Variants in SAMSN1 observed in about 807,000 individuals in gnomAD.
The protein encoded by SAMSN1 is SAM domain, SH3 domain and nuclear localization signals 1.
A neutral mutation model predicts 42.0 loss-of-function variants in SAMSN1; 31 were observed. That is an observed-to-expected ratio of 0.74 (90% CI 0.55 to 1.00). SAMSN1 has a LOEUF of 1.00. SAMSN1 is among the 50% of genes least tolerant of loss of function. SAMSN1 has a pLI of 0.00. For missense variants in SAMSN1, 464 were observed against 439.4 expected, an observed-to-expected ratio of 1.06 and a Z score of -0.50; for synonymous variants, 178 against 151.9, an observed-to-expected ratio of 1.17 and a Z score of -1.26.
At chr21:14,541,593 ATTC>A (rs1331083389) in intron 1 of SAMSN1, among the ~76,000 whole-genome samples, 1 of 152,140 alleles carries the variant, frequency 6.6e-6, no homozygotes, top group Non-Finnish European at 1.5e-5. Flanking sequence ...GTCCAAGAAA[ATTC>A]TTCTTCTTCC....
At position 14,539,601 on chromosome 21, in the gene SAMSN1, T is replaced by G. The variant is rs373023612; in HGVS notation, c.57+6604A>C. On this transcript the variant is annotated intron_variant, in intron 1 of 7. Coordinates refer to ENST00000400566, the MANE Select transcript of SAMSN1 (RefSeq NM_022136.5). Reference sequence around the variant, plus strand: ...CAACTTACAAGGGATGTGAAGGACCTCTTCAAGGAGAACTACAAACCATTG... The same window carrying G: ...CAACTTACAAGGGATGTGAAGGACCGCTTCAAGGAGAACTACAAACCATTG... 2.2e-3 allele frequency among the ~76,000 whole-genome samples: 328 copies of G among 151,870 alleles called. 3 individuals carry two copies. Among genetic ancestry groups the G allele is most frequent in the Middle Eastern group, 0.017 (5 of 294 alleles).
At chr21:14,606,289 C>A (rs1982570066) in intron 5 of SAMSN1, among the ~76,000 whole-genome samples, 1 of 152,168 alleles carries the variant, frequency 6.6e-6, no homozygotes, top group Admixed American at 6.5e-5. Flanking sequence ...GTGGAATAGT[C>A]TGTCACAGTT....
At chr21:14,638,951 C>A (rs1375562367) in intron 2 of SAMSN1, among the ~76,000 whole-genome samples, 1 of 152,268 alleles carries the variant, frequency 6.6e-6, no homozygotes, top group Non-Finnish European at 1.5e-5. Flanking sequence ...GAGTAATGAA[C>A]CTTCACTGAT....
intron 1 of SAMSN1, among the ~76,000 whole-genome samples, chr21:14,538,097 A>C (rs1032181671): frequency 1.3e-5 from 2 of 152,250 alleles, no homozygotes; most frequent in African/African-American, 4.8e-5. Context: ...AAATGAAGAC[A>C]ACCTTTTGAG....
At chr21:14,570,077 G>T (rs1981250784) in intron 2 of SAMSN1, among the ~76,000 whole-genome samples, 1 of 151,924 alleles carries the variant, frequency 6.6e-6, no homozygotes, top group Admixed American at 6.6e-5. Flanking sequence ...TTTTGTGGTG[G>T]TTGACTATCA....
intron 5 of SAMSN1, among the ~76,000 whole-genome samples, chr21:14,503,143 T>C (rs987344896): frequency 6.6e-6 from 1 of 152,192 alleles, no homozygotes; most frequent in African/African-American, 2.4e-5. Context: ...GGAGGGACTT[T>C]GCAGATCCAT....
At chr21:14,618,813 A>G (rs76113640) in intron 2 of SAMSN1, among the ~76,000 whole-genome samples, 2,030 of 152,256 alleles carry the variant, frequency 0.013, 50 homozygotes, top group African/African-American at 0.046. Context: ...GACATTTGCC[A>G]TGAATGCTGG....
At chr21:14,599,423 G>T (rs2087158576) in intron 6 of SAMSN1, among the ~76,000 whole-genome samples, 1 of 152,184 alleles carries the variant, frequency 6.6e-6, no homozygotes, top group Admixed American at 6.5e-5. Flanking sequence ...TGCCATGGTT[G>T]TAAGTTTCCT....
intron 1 of SAMSN1, among the ~76,000 whole-genome samples, chr21:14,539,878 A>G (rs1297205011): frequency 1.3e-5 from 2 of 152,212 alleles, no homozygotes; most frequent in Non-Finnish European, 2.9e-5. Flanking sequence ...GCATCACGCT[A>G]CCTGACTTCA....
intron 1 of SAMSN1, among the ~76,000 whole-genome samples, chr21:14,658,247 G>A (rs1367530951): frequency 1.3e-5 from 2 of 151,762 alleles, no homozygotes; most frequent in East Asian, 3.9e-4. Flanking sequence ...ACATCTCCAG[G>A]ACTGGATTAA....
chr21:14,618,696 GCGCGCGCA>G (rs1297828086), intron 2 of SAMSN1, among the ~76,000 whole-genome samples: 1,666 of 122,394 alleles, frequency 0.014, 35 homozygotes, highest in African/African-American at 0.044. Flanking sequence ...GTGTGTGCGC[GCGCGCGCA>G]CGCGCGTGTG....
chr21:14,490,703 A>G (rs947563349), intron 7 of SAMSN1, among the ~76,000 whole-genome samples: 3 of 152,216 alleles, frequency 2.0e-5, no homozygotes, highest in Non-Finnish European at 4.4e-5. Flanking sequence ...ATAGGATTCC[A>G]TTCATAGGAA....
At chr21:14,625,695 C>T (rs1282147926) in intron 2 of SAMSN1, among the ~76,000 whole-genome samples, 1 of 152,120 alleles carries the variant, frequency 6.6e-6, no homozygotes, top group Non-Finnish European at 1.5e-5. Context: ...TGAAAATGGC[C>T]ACACTGCCCA....
chr21:14,540,479 A>G (rs145367196), intron 1 of SAMSN1, among the ~76,000 whole-genome samples: 2,588 of 152,178 alleles, frequency 0.017, 86 homozygotes, highest in African/African-American at 0.059. Context: ...AAAAGTGAAC[A>G]AAGGACACTT....
intron 2 of SAMSN1, among the ~76,000 whole-genome samples, chr21:14,639,530 TA>T (rs1486408238): frequency 6.6e-6 from 1 of 152,226 alleles, no homozygotes; most frequent in African/African-American, 2.4e-5. Context: ...AATCTCTTCT[TA>T]AAAGTCCCAC....
intron 5 of SAMSN1, among the ~76,000 whole-genome samples, chr21:14,607,032 C>T (rs1475641140): frequency 1.3e-5 from 2 of 151,954 alleles, no homozygotes; most frequent in African/African-American, 2.4e-5. Context: ...TTTTTTTGGC[C>T]TTGAATTTTA....
chr21:14,533,214 G>A (rs1217687658), intron 1 of SAMSN1, among the ~76,000 whole-genome samples: 1 of 151,988 alleles, frequency 6.6e-6, no homozygotes, highest in African/African-American at 2.4e-5. Context: ...ACCATGCCCA[G>A]CCACTCTTAT....
chr21:14,559,671 T>A (rs932321484), intron 2 of SAMSN1, among the ~76,000 whole-genome samples: 3 of 152,026 alleles, frequency 2.0e-5, no homozygotes, highest in Non-Finnish European at 4.4e-5. Context: ...GTCTAATTTT[T>A]TTTTTTTCTT....
chr21:14,580,235 C>A (rs187120684), intron 2 of SAMSN1, among the ~76,000 whole-genome samples: 1 of 152,274 alleles, frequency 6.6e-6, no homozygotes, highest in Non-Finnish European at 1.5e-5. Context: ...TTAGGAATAG[C>A]AAATCATTCA....
Sources: gnomAD v4.1 joint callset for allele counts (sites outside exome capture counted in the v4.1 genomes callset) on GRCh38, gnomAD v4.1.1 for gene constraint, MANE v1.5 for transcripts, NCBI Gene and HGNC (gene_info 2026-07-23, HGNC 2026-07-21) for gene names.